The following WWOX variants were observed in gnomAD, a reference collection of about 807,000 sequenced individuals.
WWOX encodes the protein WW domain containing oxidoreductase, also known as WW domain-containing oxidoreductase.
WWOX carries 69 observed loss-of-function variants against 46.2 expected under a neutral mutation model. The observed-to-expected ratio is 1.49, with a 90% CI of 1.23 to 1.82. WWOX has a LOEUF of 1.82. Ranked by LOEUF, WWOX falls within the 40% of genes most tolerant of loss-of-function variation. The pLI, the probability that WWOX is intolerant of heterozygous loss-of-function variation, is 0.00. For missense variants in WWOX, 919 were observed against 542.6 expected (o/e 1.69, Z -6.89); for synonymous variants, 359 against 202.6 (o/e 1.77, Z -6.56).
At chr16:79,105,116 G>T (rs1222040138) in intron 8 of WWOX, among the ~76,000 whole-genome samples, 1 of 152,176 alleles carries the variant, frequency 6.6e-6, no homozygotes. Context: ...CCTGCTGGGG[G>T]TCTTTGGGTG....
chr16:78,835,024 C>T (rs2151162255), intron 8 of WWOX, among the ~76,000 whole-genome samples: 1 of 152,186 alleles, frequency 6.6e-6, no homozygotes, highest in South Asian at 2.1e-4. Context: ...TCAATTTCCA[C>T]TCAAATTTTT....
intron 8 of WWOX, among the ~76,000 whole-genome samples, chr16:79,195,089 T>C (rs1366125916): frequency 6.6e-6 from 1 of 152,168 alleles, no homozygotes; most frequent in African/African-American, 2.4e-5. Context: ...AGTGTGAGCA[T>C]ACCCGTATCT....
At chr16:78,994,182 T>C (rs1254325126) in intron 8 of WWOX, among the ~76,000 whole-genome samples, 2 of 152,198 alleles carry the variant, frequency 1.3e-5, no homozygotes, top group Non-Finnish European at 2.9e-5. Flanking sequence ...ATCACATCGA[T>C]TCTCTCCTTA....
At chr16:79,124,282 A>G (rs928625212) in intron 8 of WWOX, among the ~76,000 whole-genome samples, 1 of 152,160 alleles carries the variant, frequency 6.6e-6, no homozygotes, top group Non-Finnish European at 1.5e-5. Context: ...TGGTCTTAAA[A>G]GCATCCGCGC....
chr16:78,300,925 C>T (rs908530598), intron 5 of WWOX, among the ~76,000 whole-genome samples: 2 of 151,946 alleles, frequency 1.3e-5, no homozygotes, highest in African/African-American at 4.8e-5. Flanking sequence ...TCTATCTGTC[C>T]ATCTCTTTGT....
intron 8 of WWOX, among the ~76,000 whole-genome samples, chr16:78,468,958 C>G (rs1040798955): frequency 6.6e-6 from 1 of 152,188 alleles, no homozygotes; most frequent in Non-Finnish European, 1.5e-5. Flanking sequence ...TTTGGTATGA[C>G]GATGTCTTAC....
chr16:78,103,848 G>A (rs910430992), intron 1 of WWOX, among the ~76,000 whole-genome samples: 1 of 151,912 alleles, frequency 6.6e-6, no homozygotes, highest in African/African-American at 2.4e-5. Context: ...ACCCGGTCTT[G>A]TGTGGGTGCT....
intron 8 of WWOX, among the ~76,000 whole-genome samples, chr16:78,958,990 C>G (rs2046222538): frequency 6.6e-6 from 1 of 152,026 alleles, no homozygotes; most frequent in South Asian, 2.1e-4. Flanking sequence ...GCCTTAGTTT[C>G]CCATCTGTGA....
intron 8 of WWOX, among the ~76,000 whole-genome samples, chr16:78,591,384 G>C (rs1466596010): frequency 2.0e-5 from 3 of 152,126 alleles, no homozygotes; most frequent in Non-Finnish European, 2.9e-5. Context: ...GGCCATGGAA[G>C]AGTAACAGCC....
chr16:78,507,250 A>G (rs1412494399), intron 8 of WWOX, among the ~76,000 whole-genome samples: 1 of 152,216 alleles, frequency 6.6e-6, no homozygotes, highest in Non-Finnish European at 1.5e-5. Context: ...TATAAACGTA[A>G]ATAAGAATTT....
chr16:78,741,857 A>G (rs1290965471), intron 8 of WWOX, among the ~76,000 whole-genome samples: 5 of 152,374 alleles, frequency 3.3e-5, no homozygotes, highest in Admixed American at 6.5e-5. Flanking sequence ...GCTGTCTCAA[A>G]TAAATACATA....
At chr16:79,181,554 A>T (rs1474994471) in intron 8 of WWOX, among the ~76,000 whole-genome samples, 1 of 151,966 alleles carries the variant, frequency 6.6e-6, no homozygotes, top group African/African-American at 2.4e-5. Context: ...AACTCTTGGT[A>T]GGGGTTTTTT....
intron 8 of WWOX, among the ~76,000 whole-genome samples, chr16:79,172,448 C>A (rs1237025255): frequency 6.6e-6 from 1 of 152,152 alleles, no homozygotes; most frequent in East Asian, 1.9e-4. Flanking sequence ...GAGCAGCAAC[C>A]ACTTATCTTG....
chr16:78,442,164 C>A (rs1307514075), intron 8 of WWOX, among the ~76,000 whole-genome samples: 1 of 151,804 alleles, frequency 6.6e-6, no homozygotes, highest in South Asian at 2.1e-4. Flanking sequence ...TATATGTATT[C>A]GTGGTGTGAA....
At chr16:78,326,574 C>T (rs1250607621) in intron 5 of WWOX, among the ~76,000 whole-genome samples, 2 of 49,340 alleles carry the variant, frequency 4.1e-5, no homozygotes, top group African/African-American at 8.7e-5. Flanking sequence ...CTGCCCTCCC[C>T]CCGCCCCCCC....
At position 78,270,863 on chromosome 16, in the gene WWOX, A is replaced by G. The variant is rs184109893; in HGVS notation, c.516+106574A>G. 3.3e-5 allele frequency among the ~76,000 whole-genome samples: 5 copies of G among 152,350 alleles called. No homozygotes were observed. In the East Asian group the frequency reaches 5.8e-4, roughly 18 times the overall value. ...AAATCCAAAGAAGGCTGTGTGCCAG[A>G]GACGATACGTGGCCCGAAGATGAAG... On this transcript the variant is annotated intron_variant, in intron 5 of 8. Coordinates refer to ENST00000566780, the MANE Select transcript of WWOX (RefSeq NM_016373.4).
intron 5 of WWOX, chr16:78,167,705 G>A (rs1488477947): frequency 1.3e-5 from 2 of 152,176 alleles, no homozygotes; most frequent in Non-Finnish European, 2.9e-5. Context: ...TGCACCAGAA[G>A]CTGTAGTTAC....
chr16:79,114,201 G>A (rs2049468170), intron 8 of WWOX, among the ~76,000 whole-genome samples: 1 of 152,072 alleles, frequency 6.6e-6, no homozygotes, highest in South Asian at 2.1e-4. Context: ...CCCCCCAGAA[G>A]ATATGTTGAA....
At chr16:78,613,214 C>T (rs1407355739) in intron 8 of WWOX, among the ~76,000 whole-genome samples, 1 of 152,140 alleles carries the variant, frequency 6.6e-6, no homozygotes, top group Non-Finnish European at 1.5e-5. Context: ...AACGTCTATG[C>T]CCAGGTCCCA....
Sources: allele counts gnomAD v4.1 joint callset (sites outside exome capture counted in the v4.1 genomes callset), GRCh38; gene constraint gnomAD v4.1.1; transcripts MANE v1.5; gene names NCBI Gene and HGNC (gene_info 2026-07-23, HGNC 2026-07-21).